Variants in DGKD observed in about 807,000 individuals in gnomAD.
DGKD encodes DAG kinase delta.
DGKD carries 68 observed loss-of-function variants against 154.4 expected under a neutral mutation model. The observed-to-expected ratio is 0.44, with a 90% CI of 0.36 to 0.54. The LOEUF is 0.54. Ranked by LOEUF, DGKD falls within the 20% of genes least tolerant of loss-of-function variation. The probability of loss-of-function intolerance (pLI) is 0.00; values close to 1 mark genes in which losing one functional copy is unlikely to be tolerated. For synonymous variants in DGKD, 693 were observed against 638.0 expected (o/e 1.09, Z -1.30); for missense variants, 1,343 against 1,593.6 (o/e 0.84, Z 2.68).
At chr2:233,442,694 C>A (rs2062938179) in intron 10 of DGKD, 1 of 156,688 alleles carries the variant, frequency 6.4e-6, no homozygotes, top group Non-Finnish European at 1.4e-5. Context: ...CAACCTCTGC[C>A]TCCCCGGTTC....
chr2:233,442,740 G>C (rs2062941022), intron 10 of DGKD: 1 of 154,830 alleles, frequency 6.5e-6, no homozygotes, highest in Non-Finnish European at 1.4e-5. Context: ...TAAATAGCTG[G>C]GATTACAGGC....
rs770447761 is a variant in DGKD at position 233,438,351 on chromosome 2, G to A, written c.1057G>A (p.Asp353Asn). Reference sequence around the variant, plus strand: ...GCTACTAAACCCCGCCCAGGTCTTCGACCTCATGAACGGAGGCCCACACCT... The same window carrying A: ...GCTACTAAACCCCGCCCAGGTCTTCAACCTCATGAACGGAGGCCCACACCT... The part of the protein sequence containing the change: ...KQLLNPAQVF[D>N]LMNGGPHLGL... Residue 353 changes from aspartate to asparagine, a missense_variant, in exon 9 of 30, where the codon GAC becomes AAC. By Grantham distance (23) the Asp-to-Asn change is conservative. This residue lies in a region of DGKD where 56 missense variants were observed against 111.1 expected (regional missense o/e 0.50). Coordinates refer to ENST00000264057, the MANE Select transcript of DGKD (RefSeq NM_152879.3). This position sits in a 1 kb window ranked among gnomAD's most constrained non-coding sequence, Gnocchi z 4.1. 6.2e-7 allele frequency: 1 copy of A among 1,613,956 alleles called. No homozygotes were observed. Among genetic ancestry groups the A allele is most frequent in the African/African-American group, 1.3e-5 (1 of 75,026 alleles).
intron 3 of DGKD, among the ~76,000 whole-genome samples, chr2:233,414,600 G>A (rs1474027137): frequency 1.3e-5 from 2 of 152,170 alleles, no homozygotes; most frequent in African/African-American, 2.4e-5. Context: ...GTGACACTTG[G>A]AAGAGAAATG....
rs745453216 is a variant in DGKD at position 233,441,095 on chromosome 2, G to T, written c.1086-792G>T. Among the ~76,000 whole-genome samples, 35 of 152,202 alleles carry T rather than the reference G, an allele frequency of 2.3e-4. No individual in the cohort carries two copies. The highest frequency in any genetic ancestry group is 3.8e-4 in the Non-Finnish European group (26 of 68,038). On this transcript the variant is annotated intron_variant, in intron 9 of 29. Coordinates refer to ENST00000264057, the MANE Select transcript of DGKD (RefSeq NM_152879.3). The surrounding 1 kb of genome is among the most constrained non-coding windows in gnomAD (Gnocchi z 5.6). Reference sequence around the variant, plus strand: ...TGTTGGCTTTCAGGAGTGGCCTGGGGGCTGTTGATCCAGAGTCACCTGTGT... The same window carrying T: ...TGTTGGCTTTCAGGAGTGGCCTGGGTGCTGTTGATCCAGAGTCACCTGTGT...
rs1380098117 is a variant in DGKD, at chr2:233,451,970, G to A, written c.2174G>A (p.Arg725Gln). 119 of 1,613,724 alleles carry A rather than the reference G, an allele frequency of 7.4e-5. No individual in the cohort carries two copies. The East Asian group carries it at 2.4e-3, about 32-fold the overall frequency. The change falls in exon 18 of 30, where the codon CGG becomes CAG. Residue 725 changes from arginine (R) to glutamine (Q), a missense_variant. This residue lies in a region of DGKD where 409 missense variants were observed against 446.0 expected (regional missense o/e 0.92). Coordinates refer to ENST00000264057, the MANE Select transcript of DGKD (RefSeq NM_152879.3). ...LNTKILYPNV[R>Q]AGMSGSLPGG... ...TCTTGTATCTCCTTTACAGATGTCC[G>A]GGCTGGAATGTCTGGTTCCTTACCC...
In DGKD at chr2:233,458,438, C is replaced by T; in HGVS notation, c.2694+41C>T. The T allele has an allele frequency of 6.7e-7, 1 of 1,499,038 alleles. No homozygotes were observed. Among genetic ancestry groups the T allele is most frequent in the Non-Finnish European group, 9.2e-7 (1 of 1,092,238 alleles). 92.9% of individuals were successfully genotyped at this position (1,499,038 alleles called of 1,614,324 possible). A position where few individuals can be genotyped will look rare whatever the true frequency, so the allele number is the denominator to read the frequency against. On this transcript the variant is annotated intron_variant, in intron 22 of 29. Transcript: ENST00000264057. This position sits in a 1 kb window ranked among gnomAD's most constrained non-coding sequence, Gnocchi z 6.6. ...CTGGGGTGTCTGGCCGAGTCCCCAG[C>T]CCGGAGTGTGCTAAATTCTGGGGCA...
At chr2:233,355,299 ACTC>A (rs776483220) in intron 1 of DGKD, among the ~76,000 whole-genome samples, 1 of 152,170 alleles carries the variant, frequency 6.6e-6, no homozygotes, top group South Asian at 2.1e-4. Context: ...TCCACGGAGA[ACTC>A]CTGACGCTAA....
At position 233,414,105 on chromosome 2, in the gene DGKD, C is replaced by G. The variant is rs79159329; in HGVS notation, c.349-20275C>G. ...TGACTGGGAATGTGGTCTGAGATGC[C>G]CTTTCCTGGACAGATTACAAATGAC... On this transcript the variant is annotated intron_variant, in intron 3 of 29. Transcript: ENST00000264057. 3.3e-3 allele frequency among the ~76,000 whole-genome samples: 509 copies of G among 152,198 alleles called. 4 individuals are homozygous for G. The highest frequency in any genetic ancestry group is 0.012 in the African/African-American group (480 of 41,516).
chr2:233,403,990 A>G (rs1274429105), intron 3 of DGKD, among the ~76,000 whole-genome samples: 1 of 152,178 alleles, frequency 6.6e-6, no homozygotes, highest in Non-Finnish European at 1.5e-5. Context: ...TGTGTTATAT[A>G]CATGTATAAT....
intron 3 of DGKD, among the ~76,000 whole-genome samples, chr2:233,393,053 G>A (rs1008593037): frequency 1.3e-5 from 2 of 152,076 alleles, no homozygotes; most frequent in Admixed American, 1.3e-4. Context: ...ATCTTGCTCT[G>A]TTGCCCAGGC....
intron 1 of DGKD, 151 bp from the exon 2 acceptor site, chr2:233,388,106 C>A: frequency 6.7e-7 from 1 of 1,486,042 alleles, no homozygotes; most frequent in Non-Finnish European, 8.9e-7. Flanking sequence ...CGTGCTGGGC[C>A]TGTGCATAGG....
chr2:233,391,112 G>C (rs1703576882), intron 3 of DGKD, among the ~76,000 whole-genome samples: 1 of 152,016 alleles, frequency 6.6e-6, no homozygotes, highest in Non-Finnish European at 1.5e-5. Flanking sequence ...AGACAAGTAT[G>C]TTAAAGCAAT....
At chr2:233,460,419 TG>T (rs1335051472) in intron 24 of DGKD, 74 bp downstream of exon 24, 1 of 1,556,082 alleles carries the variant, frequency 6.4e-7, no homozygotes, top group African/African-American at 1.4e-5. Flanking sequence ...CCAAGGCCCC[TG>T]GGGCGTGGAG....
chr2:233,468,299 G>A, intron 28 of DGKD, 124 bp from the exon 29 acceptor site: 1 of 1,216,722 alleles, frequency 8.2e-7, no homozygotes, highest in South Asian at 1.5e-5. Context: ...GGCTGTCTCG[G>A]GTGCTGGCTG....
At chr2:233,365,444 C>T (rs972632721) in intron 1 of DGKD, among the ~76,000 whole-genome samples, 2 of 152,036 alleles carry the variant, frequency 1.3e-5, no homozygotes, top group African/African-American at 4.8e-5. Flanking sequence ...GGGGTCTCAC[C>T]GTCTTGGTTA....
chr2:233,447,181 G>C (rs553005176), intron 12 of DGKD, among the ~76,000 whole-genome samples: 5 of 102,452 alleles, frequency 4.9e-5, no homozygotes, highest in Non-Finnish European at 9.4e-5. Flanking sequence ...CTCTGCCGCG[G>C]CTCTCCCCTA....
In DGKD at chr2:233,438,440, C is replaced by A; in HGVS notation, c.1085+61C>A. 2.0e-6 allele frequency: 3 copies of A among 1,481,464 alleles called. No homozygotes were observed. The highest frequency in any genetic ancestry group is 1.3e-5 in the South Asian group (1 of 76,976). The allele number at this position is 1,481,464 out of a possible 1,614,324, so 91.8% of individuals were successfully genotyped here. On this transcript the variant is annotated intron_variant, in intron 9 of 29. Transcript: ENST00000264057. The surrounding 1 kb of genome is among the most constrained non-coding windows in gnomAD (Gnocchi z 4.1). Reference sequence around the variant, plus strand: ...TTAAAAATTGTGTAGATAGTGTGTGCTTGTTAAAAAAAAAAAGTTCAAAGA... The same window carrying A: ...TTAAAAATTGTGTAGATAGTGTGTGATTGTTAAAAAAAAAAAGTTCAAAGA...
Position 233,436,456 on chromosome 2 carries a change from T to G in DGKD, c.819+15T>G, listed in dbSNP as rs768981992. On this transcript the variant is annotated intron_variant, in intron 7 of 29. Transcript: ENST00000264057. ...GCAAGGCCATGGTGAGTGTGGGCCC[T>G]GCGCCCGGGCTGGAGGGGAGGGCTT... is the stretch of plus-strand genomic sequence containing the variant. 3 of 1,608,040 alleles carry G rather than the reference T, an allele frequency of 1.9e-6. No homozygotes were observed. In the Admixed American group the frequency reaches 5.0e-5, roughly 27 times the overall value.
chr2:233,406,843 A>G (rs577314337), intron 3 of DGKD, among the ~76,000 whole-genome samples: 38 of 152,286 alleles, frequency 2.5e-4, no homozygotes, highest in Middle Eastern at 6.8e-3. Flanking sequence ...CTCATACCGT[A>G]TAGCTCTCAG....
Sources: allele counts gnomAD v4.1 joint callset (sites outside exome capture counted in the v4.1 genomes callset), GRCh38; gene constraint gnomAD v4.1.1; regional missense constraint gnomAD v4.1.1; non-coding constraint Gnocchi (gnomAD v3.1); transcripts MANE v1.5; gene names NCBI Gene and HGNC (gene_info 2026-07-23, HGNC 2026-07-21).